Variants in SLC24A2 observed in about 807,000 individuals in gnomAD.
The protein encoded by SLC24A2 is sodium/potassium/calcium exchanger 2.
A neutral mutation model predicts 62.0 loss-of-function variants in SLC24A2; 36 were observed. The ratio of observed to expected loss-of-function variants is 0.58; its 90% confidence interval spans 0.44 to 0.77. The LOEUF is 0.77. SLC24A2 is among the 30% of genes least tolerant of loss of function. The pLI, the probability that SLC24A2 is intolerant of heterozygous loss-of-function variation, is 0.00. For synonymous variants in SLC24A2, 358 were observed against 294.0 expected, an observed-to-expected ratio of 1.22 and a Z score of -2.23; for missense variants, 846 against 817.9, an observed-to-expected ratio of 1.03 and a Z score of -0.42.
chr9:19,541,274 G>C (rs1255579522), intron 8 of SLC24A2, among the ~76,000 whole-genome samples: 2 of 150,100 alleles, frequency 1.3e-5, no homozygotes, highest in African/African-American at 4.9e-5. Context: ...TGGAGGAGGA[G>C]AGGCACTCTG....
At chr9:19,541,574 C>T (rs1330097119) in intron 8 of SLC24A2, among the ~76,000 whole-genome samples, 1 of 145,208 alleles carries the variant, frequency 6.9e-6, no homozygotes, top group Non-Finnish European at 1.5e-5. Flanking sequence ...CTCAGATCTC[C>T]AGCTGCGTGC....
At chr9:19,580,452 C>G (rs926437400) in intron 5 of SLC24A2, among the ~76,000 whole-genome samples, 1 of 152,198 alleles carries the variant, frequency 6.6e-6, no homozygotes, top group African/African-American at 2.4e-5. Context: ...CACAGGGCAC[C>G]TTTTGAGAAA....
the SLC24A2 span, among the ~76,000 whole-genome samples, chr9:20,104,502 C>T: frequency 5.3e-5 from 8 of 152,328 alleles, no homozygotes; most frequent in African/African-American, 1.9e-4. Flanking sequence ...GTGGATCTCT[C>T]AGCAGAAACG....
At chr9:19,697,146 A>G (rs1339885068) in intron 2 of SLC24A2, among the ~76,000 whole-genome samples, 1 of 152,222 alleles carries the variant, frequency 6.6e-6, no homozygotes, top group Non-Finnish European at 1.5e-5. Flanking sequence ...TTTAATTAAT[A>G]TATTAAGAAC....
upstream of SLC24A2, among the ~76,000 whole-genome samples, chr9:19,793,475 T>C (rs1247289017): frequency 6.6e-6 from 1 of 152,232 alleles, no homozygotes; most frequent in East Asian, 1.9e-4. Context: ...AGTTGCATTG[T>C]GTGCTTCAGA....
intron 2 of SLC24A2, among the ~76,000 whole-genome samples, chr9:19,636,168 T>C (rs368065302): frequency 6.6e-6 from 1 of 152,190 alleles, no homozygotes; most frequent in East Asian, 1.9e-4. Flanking sequence ...ACCCATTTGC[T>C]GACTGCTGTT....
chr9:20,070,340 C>T, the SLC24A2 span, among the ~76,000 whole-genome samples: 1 of 152,190 alleles, frequency 6.6e-6, no homozygotes, highest in African/African-American at 2.4e-5. Flanking sequence ...CACTAAGATT[C>T]TGTCAAGGTA....
intron 2 of SLC24A2, among the ~76,000 whole-genome samples, chr9:19,726,627 C>T (rs1484557662): frequency 6.6e-6 from 1 of 152,162 alleles, no homozygotes; most frequent in Non-Finnish European, 1.5e-5. Flanking sequence ...TATCAAATTC[C>T]TGTTGGCTAA....
At chr9:20,116,124 C>T in the SLC24A2 span, among the ~76,000 whole-genome samples, 1 of 152,064 alleles carries the variant, frequency 6.6e-6, no homozygotes, top group African/African-American at 2.4e-5. Context: ...AAGATATGTG[C>T]CATTTGAAAG....
At chr9:20,104,995 G>A in the SLC24A2 span, among the ~76,000 whole-genome samples, 303 of 152,212 alleles carry the variant, frequency 2.0e-3, no homozygotes, top group African/African-American at 6.7e-3. Context: ...ATAAAAGAAC[G>A]GAGGAAGATC....
chr9:19,565,242 A>C (rs10964212), intron 7 of SLC24A2, among the ~76,000 whole-genome samples: 16,198 of 151,094 alleles, frequency 0.11, 908 homozygotes, highest in African/African-American at 0.14. Context: ...AAATCTCCTT[A>C]AGCTGATAAG....
At chr9:19,793,299 T>C (rs906367426), upstream of SLC24A2, among the ~76,000 whole-genome samples, 1 of 152,242 alleles carries the variant, frequency 6.6e-6, no homozygotes, top group Non-Finnish European at 1.5e-5. Context: ...AGCTGGTCAC[T>C]ATCTAGAACA....
the SLC24A2 span, among the ~76,000 whole-genome samples, chr9:20,228,548 A>C: frequency 6.6e-6 from 1 of 152,158 alleles, no homozygotes; most frequent in South Asian, 2.1e-4. Context: ...AGTGGAAGGG[A>C]GTAGACTGGC....
intron 2 of SLC24A2, among the ~76,000 whole-genome samples, chr9:19,774,502 A>C (rs1010020525): frequency 7.9e-5 from 12 of 152,210 alleles, no homozygotes; most frequent in African/African-American, 2.9e-4. Flanking sequence ...ACGGGCCTGA[A>C]ATAAGTGGTT....
chr9:19,921,078 T>TGGG, the SLC24A2 span, among the ~76,000 whole-genome samples: 78 of 135,746 alleles, frequency 5.7e-4, no homozygotes, highest in Non-Finnish European at 8.3e-4. Flanking sequence ...ATAATTATTA[T>TGGG]GGGGGGGGGG....
the SLC24A2 span, among the ~76,000 whole-genome samples, chr9:20,140,549 A>C: frequency 6.6e-6 from 1 of 152,178 alleles, no homozygotes; most frequent in South Asian, 2.1e-4. Flanking sequence ...GCAGGCAAAA[A>C]AGAAAAATAA....
At chr9:19,704,482 T>C (rs1007308825) in intron 2 of SLC24A2, among the ~76,000 whole-genome samples, 4 of 152,226 alleles carry the variant, frequency 2.6e-5, no homozygotes, top group African/African-American at 9.6e-5. Context: ...CTGGAAATTA[T>C]TTAAATTTTT....
At chr9:20,241,570 A>C in the SLC24A2 span, among the ~76,000 whole-genome samples, 1 of 152,190 alleles carries the variant, frequency 6.6e-6, no homozygotes, top group African/African-American at 2.4e-5. Flanking sequence ...ACCTGGTACA[A>C]AATAGTTGTT....
intron 2 of SLC24A2, among the ~76,000 whole-genome samples, chr9:19,694,223 T>G (rs536584907): frequency 1.6e-4 from 25 of 152,250 alleles, no homozygotes; most frequent in Non-Finnish European, 3.1e-4. Flanking sequence ...AGGGTAAAGA[T>G]ATCATAATAT....
Sources: gnomAD v4.1 joint callset for allele counts (sites outside exome capture counted in the v4.1 genomes callset) on GRCh38, gnomAD v4.1.1 for gene constraint, MANE v1.5 for transcripts, NCBI Gene and HGNC (gene_info 2026-07-23, HGNC 2026-07-21) for gene names.